MAPK4: variants seen among roughly 807,000 people sequenced by gnomAD.
MAPK4 encodes Erk3-related.
In MAPK4, 22 loss-of-function variants were observed where a neutral mutation model predicts 47.7. The ratio of observed to expected loss-of-function variants is 0.46; its 90% confidence interval spans 0.33 to 0.66. MAPK4 has a LOEUF of 0.66. Ranked by LOEUF, MAPK4 falls within the 30% of genes least tolerant of loss-of-function variation. The pLI is 0.02. For missense variants in MAPK4, 736 were observed against 831.7 expected (o/e 0.88, Z 1.42); for synonymous variants, 390 against 365.7 (o/e 1.07, Z -0.76).
intron 2 of MAPK4, among the ~76,000 whole-genome samples, chr18:50,667,054 C>T (rs1568071697): frequency 1.3e-5 from 2 of 152,180 alleles, no homozygotes; most frequent in African/African-American, 4.8e-5. Flanking sequence ...TCTCTCTGAG[C>T]GCTGTCTCCT....
At position 50,729,661 on chromosome 18, in the gene MAPK4, G is replaced by A; in HGVS notation, c.1571G>A (p.Gly524Asp). Residue 524 changes from glycine (G) to aspartate (D), a missense_variant, in exon 6 of 6, where the codon GGC becomes GAC. Coordinates refer to ENST00000400384, the MANE Select transcript of MAPK4 (RefSeq NM_002747.4). The part of the protein sequence containing the change: ...PERRLSASPP[G>D]RPAPVDGGAS... ...CGCCGCTTGTCTGCCTCGCCCCCCG[G>A]CCGCCCGGCCCCGGTGGACGGCGGC... 1.3e-6 allele frequency: 2 copies of A among 1,522,490 alleles called. No homozygotes were observed. Among genetic ancestry groups the A allele is most frequent in the Middle Eastern group, 1.7e-4 (1 of 5,842 alleles). The allele number at this position is 1,522,490 out of a possible 1,614,324, so 94.3% of individuals were successfully genotyped here.
At chr18:50,577,453 C>A (rs2042308098) in intron 1 of MAPK4, among the ~76,000 whole-genome samples, 1 of 152,006 alleles carries the variant, frequency 6.6e-6, no homozygotes, top group African/African-American at 2.4e-5. Flanking sequence ...GGGTCTCACT[C>A]CAGAGACTAG....
At chr18:50,562,544 T>C (rs2042163225) in intron 1 of MAPK4, among the ~76,000 whole-genome samples, 1 of 152,014 alleles carries the variant, frequency 6.6e-6, no homozygotes, top group African/African-American at 2.4e-5. Context: ...ACCAGTGATG[T>C]TGGGGTGAGA....
intron 1 of MAPK4, among the ~76,000 whole-genome samples, chr18:50,589,494 G>A (rs1413450699): frequency 7.9e-5 from 12 of 151,974 alleles, no homozygotes; most frequent in Admixed American, 7.9e-4. Context: ...TACTCGGGAG[G>A]CTGAGGCAGG....
chr18:50,683,688 T>C (rs1908712820), intron 2 of MAPK4, among the ~76,000 whole-genome samples: 1 of 152,122 alleles, frequency 6.6e-6, no homozygotes, highest in Admixed American at 6.6e-5. Flanking sequence ...TATATTTAAG[T>C]GGAAAACTTA....
At chr18:50,578,726 A>G (rs1179850073) in intron 1 of MAPK4, among the ~76,000 whole-genome samples, 1 of 152,192 alleles carries the variant, frequency 6.6e-6, no homozygotes, top group Non-Finnish European at 1.5e-5. Context: ...CCGTTACTAC[A>G]TGAAGTGGTT....
intron 2 of MAPK4, among the ~76,000 whole-genome samples, chr18:50,673,256 G>C (rs577892376): frequency 6.6e-6 from 1 of 152,146 alleles, no homozygotes; most frequent in African/African-American, 2.4e-5. Context: ...CAGCCTAAGC[G>C]AAAGAGTGAA....
At chr18:50,650,674 G>T (rs1212038365) in intron 1 of MAPK4, among the ~76,000 whole-genome samples, 2 of 152,218 alleles carry the variant, frequency 1.3e-5, no homozygotes, top group Non-Finnish European at 2.9e-5. Flanking sequence ...CCAGGACAGG[G>T]CTAATTCTCA....
intron 1 of MAPK4, among the ~76,000 whole-genome samples, chr18:50,651,360 G>A (rs896696127): frequency 2.6e-5 from 4 of 152,144 alleles, no homozygotes; most frequent in African/African-American, 9.7e-5. Context: ...CATGTGTACT[G>A]TGATCCAGTG....
rs74640664 is a variant in MAPK4 at position 50,594,837 on chromosome 18, G to A, written c.-871+34594G>A. 2.6e-5 allele frequency among the ~76,000 whole-genome samples: 4 copies of A among 152,202 alleles called. No homozygotes were observed. The East Asian group carries it at 7.7e-4, about 29-fold the overall frequency. On this transcript the variant is annotated intron_variant, in intron 1 of 5. Coordinates refer to ENST00000400384, the MANE Select transcript of MAPK4 (RefSeq NM_002747.4). ...AATATTTGTAATACATAAAAATCAG[G>A]CCTTAAAATGAAATATTTGAAGAAC...
Position 50,663,824 on chromosome 18 carries a change from C to T in MAPK4, c.-135C>T, listed in dbSNP as rs1907418394. 1 of 719,098 alleles carries T rather than the reference C, an allele frequency of 1.4e-6. No individual in the cohort carries two copies. Among genetic ancestry groups the T allele is most frequent in the African/African-American group, 1.8e-5 (1 of 56,596 alleles). The allele number at this position is 719,098 out of a possible 1,614,324, so 44.5% of individuals were successfully genotyped here. A position where few individuals can be genotyped will look rare whatever the true frequency, so the allele number is the denominator to read the frequency against. ...TCTCCAGAGAGCTGGTGGCAGTGACCTCACTAGGAGAAAACACATCCCTCA... is the reference window on the plus strand; with the variant it reads ...TCTCCAGAGAGCTGGTGGCAGTGACTTCACTAGGAGAAAACACATCCCTCA... On this transcript the variant is annotated 5_prime_UTR_variant, in exon 2 of 6. Coordinates refer to ENST00000400384, the MANE Select transcript of MAPK4 (RefSeq NM_002747.4).
At chr18:50,695,223 G>C (rs577143112) in intron 2 of MAPK4, among the ~76,000 whole-genome samples, 21 of 151,802 alleles carry the variant, frequency 1.4e-4, no homozygotes, top group African/African-American at 4.1e-4. Flanking sequence ...GCACATGACT[G>C]TAATCCCAGC....
chr18:50,725,016 C>A (rs1313701334), intron 4 of MAPK4, among the ~76,000 whole-genome samples: 1 of 152,234 alleles, frequency 6.6e-6, no homozygotes, highest in Non-Finnish European at 1.5e-5. Context: ...CACCCCTGCT[C>A]AAGGGAAGGG....
At chr18:50,675,187 C>T (rs549963345) in intron 2 of MAPK4, among the ~76,000 whole-genome samples, 2 of 152,302 alleles carry the variant, frequency 1.3e-5, no homozygotes, top group South Asian at 2.1e-4. Context: ...ACTGCAAAGC[C>T]CAGTGGCAGC....
At chr18:50,649,802 T>A (rs1002587582) in intron 1 of MAPK4, among the ~76,000 whole-genome samples, 1 of 152,182 alleles carries the variant, frequency 6.6e-6, no homozygotes, top group Non-Finnish European at 1.5e-5. Context: ...TTCCTCTTGT[T>A]CCCAGCACAT....
At chr18:50,674,816 T>C (rs1226456093) in intron 2 of MAPK4, among the ~76,000 whole-genome samples, 8 of 152,232 alleles carry the variant, frequency 5.3e-5, no homozygotes, top group Non-Finnish European at 1.0e-4. Flanking sequence ...TCTATATTCC[T>C]GGCACCTAGC....
intron 1 of MAPK4, among the ~76,000 whole-genome samples, chr18:50,607,288 G>T (rs887993501): frequency 3.9e-5 from 6 of 152,176 alleles, no homozygotes; most frequent in African/African-American, 1.4e-4. Flanking sequence ...AAAGAAAATG[G>T]AATTTTCGAG....
intron 1 of MAPK4, among the ~76,000 whole-genome samples, chr18:50,604,673 C>A (rs3855369): frequency 2.0e-5 from 3 of 152,100 alleles, no homozygotes; most frequent in African/African-American, 7.2e-5. Flanking sequence ...TCTAAAAGAC[C>A]TTATCCACTG....
At chr18:50,680,993 C>T (rs1417818343) in intron 2 of MAPK4, among the ~76,000 whole-genome samples, 2 of 152,158 alleles carry the variant, frequency 1.3e-5, no homozygotes, top group African/African-American at 2.4e-5. Flanking sequence ...AGCTACCAGA[C>T]TGTTTTCCAA....
Sources: gnomAD v4.1 joint callset for allele counts (sites outside exome capture counted in the v4.1 genomes callset) on GRCh38, gnomAD v4.1.1 for gene constraint, MANE v1.5 for transcripts, NCBI Gene and HGNC (gene_info 2026-07-23, HGNC 2026-07-21) for gene names.